The following ZNF354A variants were observed in gnomAD, a reference collection of about 807,000 sequenced individuals.
ZNF354A encodes the protein zinc finger protein 354A, also known as epididymis luminal protein 104.
In ZNF354A, 25 loss-of-function variants were observed where a neutral mutation model predicts 53.3. The ratio of observed to expected loss-of-function variants is 0.47; its 90% CI spans 0.34 to 0.66. The LOEUF is 0.66. Ranked by LOEUF, ZNF354A falls within the 30% of genes least tolerant of loss-of-function variation. The pLI is 0.01. For synonymous variants in ZNF354A, 228 were observed against 249.0 expected (o/e 0.92, Z 0.79); for missense variants, 586 against 716.8 (o/e 0.82, Z 2.08).
At chr5:178,726,913 C>T in intron 3 of ZNF354A, 86 bp downstream of exon 3, 3 of 1,519,882 alleles carry the variant, frequency 2.0e-6, no homozygotes, top group South Asian at 2.7e-5. Flanking sequence ...TCAAATTTTT[C>T]AGTGACCAAC....
chr5:178,712,523 G>A lies in ZNF354A; in HGVS notation c.1355C>T (p.Thr452Ile). 6.2e-7 allele frequency: 1 copy of A among 1,614,154 alleles called. No homozygotes were observed. Among genetic ancestry groups the A allele is most frequent in the Non-Finnish European group, 8.5e-7 (1 of 1,180,024 alleles). Reference sequence around the variant, plus strand: ...ATGAATTCGCTCGTGAATAATAAGTGTTGAGTGGGAGCTTAAGGCTTTACC... The same window carrying A: ...ATGAATTCGCTCGTGAATAATAAGTATTGAGTGGGAGCTTAAGGCTTTACC... ...ECGKALSSHS[T>I]LIIHERIHTG... The change falls in exon 5 of 5, where the codon ACA becomes ATA. Residue 452 changes from threonine to isoleucine, a missense_variant. Around this residue, in one of 2 missense-constraint regions of ZNF354A, gnomAD observed 573 missense variants for 680.1 expected, o/e 0.84. Coordinates refer to ENST00000335815, the MANE Select transcript of ZNF354A (RefSeq NM_005649.3).
intron 4 of ZNF354A, among the ~76,000 whole-genome samples, chr5:178,720,477 G>A (rs536095269): frequency 1.3e-5 from 2 of 152,338 alleles, no homozygotes; most frequent in East Asian, 1.9e-4. Context: ...GACACCGGGC[G>A]AACACAGTGT....
intron 4 of ZNF354A, among the ~76,000 whole-genome samples, chr5:178,720,555 A>G (rs1238836543): frequency 1.3e-5 from 2 of 152,212 alleles, no homozygotes; most frequent in Non-Finnish European, 2.9e-5. Context: ...GGCCATCGCT[A>G]CAAGCTAGCA....
chr5:178,715,689 T>G (rs1406694504), intron 4 of ZNF354A, among the ~76,000 whole-genome samples: 3 of 152,084 alleles, frequency 2.0e-5, no homozygotes, highest in Non-Finnish European at 4.4e-5. Context: ...ATTCTGCAAC[T>G]TGGATTCTAG....
chr5:178,728,638 A>C (rs1220618339), intron 2 of ZNF354A, among the ~76,000 whole-genome samples: 39 of 151,912 alleles, frequency 2.6e-4, no homozygotes, highest in South Asian at 1.2e-3. Context: ...AAAAGCACAA[A>C]AAAAAAAACT....
chr5:178,720,064 T>C (rs1765784725), intron 4 of ZNF354A, among the ~76,000 whole-genome samples: 1 of 152,256 alleles, frequency 6.6e-6, no homozygotes. Context: ...TAGTACTGCC[T>C]ATTTGTAAAC....
intron 2 of ZNF354A, 49 bp from the exon 3 acceptor site, chr5:178,727,174 A>G (rs56328282): frequency 0.28 from 414,857 of 1,504,662 alleles, 63,365 homozygotes; most frequent in South Asian, 0.35. Flanking sequence ...CTCACAGAGC[A>G]GAGGGGGCGG....
rs1408676973 is a variant in ZNF354A, at chr5:178,712,357, T to C, written c.1521A>G (p.Ser507=). 1.1e-5 allele frequency: 17 copies of C among 1,613,590 alleles called. No individual in the cohort carries two copies. Among genetic ancestry groups the C allele is most frequent in the Non-Finnish European group, 1.4e-5 (16 of 1,179,598 alleles). The change falls in exon 5 of 5, where the codon TCA becomes TCG. Residue 507 remains serine (S), a synonymous_variant. Coordinates refer to ENST00000335815, the MANE Select transcript of ZNF354A (RefSeq NM_005649.3). ...NECGKTFRCN[S]SLSNHQRIHT... is the part of the protein sequence containing the mutation. ...GAATTCTCTGGTGATTACTAAGTGA[T>C]GAGTTACACCTGAATGTTTTCCCAC...
At chr5:178,718,390 G>C (rs1765753483) in intron 4 of ZNF354A, among the ~76,000 whole-genome samples, 2 of 152,168 alleles carry the variant, frequency 1.3e-5, no homozygotes. Context: ...ACCACTTCCT[G>C]TTATCAGGTC....
Position 178,712,295 on chromosome 5 carries a change from C to G in ZNF354A, c.1583G>C (p.Gly528Ala). ...AGCTGAACTTTGGCCAAAAGATATC[C>G]CACATTCCTCACATCGATATGGTTT... ...GEKPYRCEEC[G>A]ISFGQSSALI... Residue 528 changes from glycine (G) to alanine (A), a missense_variant, in exon 5 of 5, where the codon GGG (glycine) becomes GCG (alanine). Gly to Ala is a moderately conservative substitution (Grantham distance 60). This residue lies in a region of ZNF354A where 573 missense variants were observed against 680.1 expected (regional missense o/e 0.84). Transcript: ENST00000335815. The G allele has an allele frequency of 6.2e-7, 1 of 1,614,084 alleles. No homozygotes were observed. Among genetic ancestry groups the G allele is most frequent in the Non-Finnish European group, 8.5e-7 (1 of 1,179,994 alleles).
chr5:178,712,498 A>G lies in ZNF354A; in HGVS notation c.1380T>C (p.His460=). The change falls in exon 5 of 5, where the codon CAT becomes CAC. Residue 460 remains histidine (H), a synonymous_variant. Transcript: ENST00000335815. ...HSTLIIHERI[H]TGEKPCKCKV... is the part of the protein sequence containing the mutation. Reference sequence around the variant, plus strand: ...TACATTTACATGGTTTTTCTCCAGTATGAATTCGCTCGTGAATAATAAGTG... The same window carrying G: ...TACATTTACATGGTTTTTCTCCAGTGTGAATTCGCTCGTGAATAATAAGTG... The G allele has an allele frequency of 6.2e-7, 1 of 1,614,182 alleles. No homozygotes were observed. Among genetic ancestry groups the G allele is most frequent in the South Asian group, 1.1e-5 (1 of 91,086 alleles).
chr5:178,729,443 GCCGGGACTCCCACCACGACGGCC>G (rs1436844879), intron 1 of ZNF354A: 1 of 172,942 alleles, frequency 5.8e-6, no homozygotes, highest in African/African-American at 2.4e-5. Context: ...TGCGAGGCGG[GCCGGGACTCCCACCACGACGGCC>G]CCGGGACGAC....
chr5:178,719,646 C>T (rs1765772473), intron 4 of ZNF354A, among the ~76,000 whole-genome samples: 1 of 152,188 alleles, frequency 6.6e-6, no homozygotes. Flanking sequence ...AAAAGCTCCA[C>T]CTATAAAAAT....
At chr5:178,717,012 A>G (rs948622706) in intron 4 of ZNF354A, among the ~76,000 whole-genome samples, 4 of 142,406 alleles carry the variant, frequency 2.8e-5, no homozygotes, top group Non-Finnish European at 6.0e-5. Context: ...CAGGAGGCAG[A>G]GGCTGCAGTG....
At position 178,712,233 on chromosome 5, in the gene ZNF354A, G is replaced by A. The variant is rs769401965; in HGVS notation, c.1645C>T (p.Pro549Ser). Residue 549 changes from proline to serine, a missense_variant, in exon 5 of 5, where the codon CCC becomes TCC. This residue lies in a region of ZNF354A where 573 missense variants were observed against 680.1 expected (regional missense o/e 0.84). Coordinates refer to ENST00000335815, the MANE Select transcript of ZNF354A (RefSeq NM_005649.3). ...QHRRIHTGEKPFKCNTCGKTF... is the reference protein window; with the variant it reads ...QHRRIHTGEKSFKCNTCGKTF... ...TTTCCACATGTATTACATTTAAAGGGTTTTTCTCCTGTATGAATCCTTCGA... is the reference window on the plus strand; with the variant it reads ...TTTCCACATGTATTACATTTAAAGGATTTTTCTCCTGTATGAATCCTTCGA... The A allele has an allele frequency of 1.9e-5, 30 of 1,613,886 alleles. No homozygotes were observed. Among genetic ancestry groups the A allele is most frequent in the Admixed American group, 1.7e-5 (1 of 59,992 alleles).
chr5:178,727,730 C>G (rs574176558), intron 2 of ZNF354A, among the ~76,000 whole-genome samples: 1 of 152,300 alleles, frequency 6.6e-6, no homozygotes, highest in South Asian at 2.1e-4. Flanking sequence ...CACAACAATC[C>G]TATCAAGACG....
chr5:178,727,793 TAAGAA>T (rs1285274908), intron 2 of ZNF354A, among the ~76,000 whole-genome samples: 1 of 152,072 alleles, frequency 6.6e-6, no homozygotes, highest in African/African-American at 2.4e-5. Context: ...ACAGACAAGA[TAAGAA>T]ATTTGTCCAG....
intron 4 of ZNF354A, among the ~76,000 whole-genome samples, chr5:178,722,563 A>C (rs999038729): frequency 6.6e-6 from 1 of 152,058 alleles, no homozygotes; most frequent in East Asian, 1.9e-4. Flanking sequence ...TCCATGTCTA[A>C]CAGTCCTGCT....
chr5:178,726,849 G>A lies in ZNF354A; in HGVS notation c.160+150C>T, dbSNP rs113346167. On this transcript the variant is annotated intron_variant, in intron 3 of 4. Coordinates refer to ENST00000335815, the MANE Select transcript of ZNF354A (RefSeq NM_005649.3). The stretch of plus-strand genomic sequence containing the variant: ...ATTTCATGCCTATAAGGGGGAATAG[G>A]TTTTTAATGTTTATTTATAAAGATC... The A allele has an allele frequency of 5.2e-4, 633 of 1,228,760 alleles. 3 individuals are homozygous for A. The African/African-American group carries it at 7.0e-3, about 14-fold the overall frequency. 76.1% of individuals were successfully genotyped at this position (1,228,760 alleles called of 1,614,324 possible).
Sources: allele counts gnomAD v4.1 joint callset (sites outside exome capture counted in the v4.1 genomes callset), GRCh38; gene constraint gnomAD v4.1.1; regional missense constraint gnomAD v4.1.1; transcripts MANE v1.5; gene names NCBI Gene and HGNC (gene_info 2026-07-23, HGNC 2026-07-21).